The following KCMF1 variants were observed in gnomAD, a reference collection of about 807,000 sequenced individuals.
KCMF1 encodes the protein potassium channel modulatory factor 1.
Under a neutral mutation model 41.1 loss-of-function variants are expected in KCMF1, and 3 were observed. The ratio of observed to expected loss-of-function variants is 0.07; its 90% CI spans 0.03 to 0.19. The LOEUF (loss-of-function observed/expected upper bound fraction) is 0.19, where lower values mean the gene tolerates loss of function less well. Among genes scored for constraint, KCMF1 ranks in the 10% least tolerant of loss-of-function variants. The probability of loss-of-function intolerance (pLI) is 1.00; values close to 1 mark genes in which losing one functional copy is unlikely to be tolerated. For missense variants in KCMF1, 286 were observed against 488.9 expected (o/e 0.58, Z 3.91); for synonymous variants, 142 against 164.5 (o/e 0.86, Z 1.04).
chr2:85,025,881 T>C (rs1391686295), intron 1 of KCMF1, among the ~76,000 whole-genome samples: 1 of 152,170 alleles, frequency 6.6e-6, no homozygotes, highest in Non-Finnish European at 1.5e-5. Flanking sequence ...TCTAACAGCT[T>C]TGCTTACTGC....
At chr2:85,012,690 A>G (rs1393178014) in intron 1 of KCMF1, among the ~76,000 whole-genome samples, 2 of 151,646 alleles carry the variant, frequency 1.3e-5, no homozygotes, top group Non-Finnish European at 2.9e-5. Flanking sequence ...ATAAACCACA[A>G]CTCTTTTCCG....
At chr2:84,971,785 T>TA (rs1356217378) in intron 1 of KCMF1, among the ~76,000 whole-genome samples, 6 of 150,512 alleles carry the variant, frequency 4.0e-5, no homozygotes, top group Non-Finnish European at 8.9e-5. Flanking sequence ...TCGGGACTGA[T>TA]ACCGGACGCC....
intron 1 of KCMF1, among the ~76,000 whole-genome samples, chr2:85,013,582 G>A (rs1205074120): frequency 1.3e-5 from 2 of 151,976 alleles, no homozygotes; most frequent in East Asian, 1.9e-4. Flanking sequence ...GGCGGATCAC[G>A]AGGCCGGTAG....
At chr2:85,001,633 A>G (rs1674331009) in intron 1 of KCMF1, among the ~76,000 whole-genome samples, 1 of 152,176 alleles carries the variant, frequency 6.6e-6, no homozygotes. Flanking sequence ...TAGAGCCCCT[A>G]ATCATTGTGA....
intron 6 of KCMF1, 67 bp from the exon 7 acceptor site, chr2:85,053,081 A>C (rs2104070845): frequency 1.4e-6 from 2 of 1,431,456 alleles, no homozygotes; most frequent in South Asian, 2.7e-5. Flanking sequence ...AGAGCACTGT[A>C]GAAATTGGCC....
In KCMF1 at chr2:84,990,007, C is replaced by G. The variant is rs1472239884; in HGVS notation, c.16+18540C>G. Among the ~76,000 whole-genome samples, 20 of 152,160 alleles carry G rather than the reference C, an allele frequency of 1.3e-4. 1 individual carries two copies. The highest frequency in any genetic ancestry group is 1.3e-3 in the Admixed American group (20 of 15,270). On this transcript the variant is annotated intron_variant, in intron 1 of 6. Transcript: ENST00000409785. ...CTGAACAGCCTGGAGAATGGGAGGA[C>G]CAGGTGAGAGTATTGGTGTTGAAAC...
At chr2:85,027,456 A>T (rs779083921) in intron 1 of KCMF1, among the ~76,000 whole-genome samples, 17 of 142,844 alleles carry the variant, frequency 1.2e-4, no homozygotes, top group African/African-American at 1.9e-4. Context: ...GCTCACTGCA[A>T]CCCTACCTCC....
intron 1 of KCMF1, among the ~76,000 whole-genome samples, chr2:84,983,037 A>G (rs750740897): frequency 1.8e-4 from 28 of 152,080 alleles, no homozygotes; most frequent in Non-Finnish European, 3.7e-4. Flanking sequence ...CATGCTGTAT[A>G]TTTTCATGTT....
At chr2:84,998,956 ATCTATCTATCTGTCTG>A (rs1466666138) in intron 1 of KCMF1, among the ~76,000 whole-genome samples, 2 of 107,048 alleles carry the variant, frequency 1.9e-5, no homozygotes, top group East Asian at 2.7e-4. Flanking sequence ...CTATCTATCT[ATCTATCTATCTGTCTG>A]TCTGTCTATC....
intron 1 of KCMF1, among the ~76,000 whole-genome samples, chr2:85,022,923 C>T (rs1282753509): frequency 7.7e-6 from 1 of 129,286 alleles, no homozygotes; most frequent in Non-Finnish European, 1.6e-5. Flanking sequence ...GAGTCTCGCT[C>T]TGTTGCCCAG....
chr2:85,000,326 T>C (rs1307618780), intron 1 of KCMF1, among the ~76,000 whole-genome samples: 1 of 133,090 alleles, frequency 7.5e-6, no homozygotes, highest in Non-Finnish European at 1.6e-5. Flanking sequence ...GGTTTCACCG[T>C]GTTAGCCAGG....
At chr2:84,998,915 TACCTATC>T (rs1356737672) in intron 1 of KCMF1, among the ~76,000 whole-genome samples, 1 of 102,728 alleles carries the variant, frequency 9.7e-6, no homozygotes, top group African/African-American at 5.1e-5. Flanking sequence ...CTGGGCCTCT[TACCTATC>T]TATCTATCTA....
intron 1 of KCMF1, among the ~76,000 whole-genome samples, chr2:85,004,237 C>T (rs1018161653): frequency 3.3e-5 from 5 of 152,006 alleles, no homozygotes; most frequent in African/African-American, 9.7e-5. Flanking sequence ...TGGGGCGGGG[C>T]GTGGTGGCTC....
chr2:85,051,387 G>A (rs1222920850), intron 6 of KCMF1, among the ~76,000 whole-genome samples: 1 of 151,766 alleles, frequency 6.6e-6, no homozygotes, highest in East Asian at 1.9e-4. Context: ...TGTCTTGCCA[G>A]TGCCCTTTGG....
At chr2:85,003,701 G>C (rs573665583) in intron 1 of KCMF1, among the ~76,000 whole-genome samples, 26 of 152,024 alleles carry the variant, frequency 1.7e-4, no homozygotes, top group Non-Finnish European at 3.7e-4. Flanking sequence ...GAATCCTCCT[G>C]CCTAGGATTA....
At chr2:84,986,153 A>G (rs959348509) in intron 1 of KCMF1, among the ~76,000 whole-genome samples, 4 of 152,216 alleles carry the variant, frequency 2.6e-5, no homozygotes, top group African/African-American at 9.6e-5. Flanking sequence ...CTTATGTGCA[A>G]GGTATTATGA....
intron 3 of KCMF1, among the ~76,000 whole-genome samples, chr2:85,040,261 G>T (rs1574039689): frequency 1.3e-5 from 2 of 152,280 alleles, no homozygotes; most frequent in South Asian, 2.1e-4. Context: ...CTATCGTGTG[G>T]CAGTGGAAGT....
intron 1 of KCMF1, among the ~76,000 whole-genome samples, chr2:84,978,639 C>A (rs969272478): frequency 2.0e-5 from 3 of 151,626 alleles, no homozygotes; most frequent in Non-Finnish European, 4.4e-5. Flanking sequence ...CTCTGTCTCC[C>A]AGGTTCAATA....
At chr2:85,037,975 TTTCAGTG>T (rs1558584019) in intron 3 of KCMF1, among the ~76,000 whole-genome samples, 1 of 152,256 alleles carries the variant, frequency 6.6e-6, no homozygotes, top group African/African-American at 2.4e-5. Context: ...TGGAATTATT[TTTCAGTG>T]TAGCTAAATT....
Sources: gnomAD v4.1 joint callset for allele counts (sites outside exome capture counted in the v4.1 genomes callset) on GRCh38, gnomAD v4.1.1 for gene constraint, MANE v1.5 for transcripts, NCBI Gene and HGNC (gene_info 2026-07-23, HGNC 2026-07-21) for gene names.